The following BMPR1B variants were observed in gnomAD, a reference collection of about 807,000 sequenced individuals.
BMPR1B encodes the protein bone morphogenetic protein receptor type 1B, also known as bone morphogenetic protein receptor type-1B.
A neutral mutation model predicts 59.1 loss-of-function variants in BMPR1B; 12 were observed. The observed-to-expected ratio is 0.20, with a 90% CI of 0.13 to 0.33. BMPR1B has a LOEUF of 0.33. Ranked by LOEUF, BMPR1B falls within the 10% of genes least tolerant of loss-of-function variation. The pLI, the probability that BMPR1B is intolerant of heterozygous loss-of-function variation, is 1.00. For synonymous variants in BMPR1B, 237 were observed against 207.3 expected, an observed-to-expected ratio of 1.14 and a Z score of -1.23; for missense variants, 550 against 610.9, an observed-to-expected ratio of 0.90 and a Z score of 1.05.
chr4:94,913,557 A>G (rs1728369162), intron 2 of BMPR1B, among the ~76,000 whole-genome samples: 1 of 152,148 alleles, frequency 6.6e-6, no homozygotes, highest in Admixed American at 6.5e-5. Flanking sequence ...AAGAATGGCA[A>G]GTGATATACC....
At position 95,139,236 on chromosome 4, in the gene BMPR1B, G is replaced by A. The variant is rs7673647; in HGVS notation, c.1076+7724G>A. ...CGGAGGCTGCAGAACAGCAAATATT[G>A]CAGAACGGCAAATGTTGCTGCCTGA... On this transcript the variant is annotated intron_variant, in intron 10 of 12. Coordinates refer to ENST00000515059, the MANE Select transcript of BMPR1B (RefSeq NM_001203.3). 8.0e-3 allele frequency among the ~76,000 whole-genome samples: 1,215 copies of A among 152,254 alleles called. 16 individuals carry two copies. Among genetic ancestry groups the A allele is most frequent in the African/African-American group, 0.027 (1,104 of 41,546 alleles).
chr4:94,941,188 GGGA>G (rs1729496625), intron 2 of BMPR1B, among the ~76,000 whole-genome samples: 1 of 152,120 alleles, frequency 6.6e-6, no homozygotes, highest in African/African-American at 2.4e-5. Flanking sequence ...CCAGCACTTT[GGGA>G]GGCCAAGGCA....
chr4:94,861,897 T>C (rs1416974460), intron 1 of BMPR1B, among the ~76,000 whole-genome samples: 3 of 152,186 alleles, frequency 2.0e-5, no homozygotes, highest in African/African-American at 7.2e-5. Context: ...CTCTGAACTT[T>C]GTTTGAATGA....
intron 3 of BMPR1B, among the ~76,000 whole-genome samples, chr4:95,008,604 G>A (rs1249544811): frequency 6.6e-6 from 1 of 151,990 alleles, no homozygotes; most frequent in African/African-American, 2.4e-5. Flanking sequence ...TATCAGCTAA[G>A]AATTTCTTTA....
intron 3 of BMPR1B, chr4:95,051,529 G>A (rs1334213307): frequency 4.9e-6 from 3 of 610,672 alleles, no homozygotes; most frequent in Admixed American, 2.6e-5. Context: ...TCTCTGTGGT[G>A]ACAGAACCAG....
At chr4:95,013,679 G>A (rs1723377942) in intron 3 of BMPR1B, among the ~76,000 whole-genome samples, 1 of 152,196 alleles carries the variant, frequency 6.6e-6, no homozygotes, top group African/African-American at 2.4e-5. Context: ...AAGAAGTGAT[G>A]AATTAGAAAA....
At chr4:95,131,061 G>A (rs538615403) in intron 9 of BMPR1B, among the ~76,000 whole-genome samples, 154 bp from the exon 10 acceptor site, 1 of 152,042 alleles carries the variant, frequency 6.6e-6, no homozygotes, top group Admixed American at 6.6e-5. Context: ...CTTCTTATTG[G>A]TATTAGTCAT....
At chr4:95,031,152 G>A (rs139907820) in intron 3 of BMPR1B, among the ~76,000 whole-genome samples, 6,333 of 152,066 alleles carry the variant, frequency 0.042, 183 homozygotes, top group Non-Finnish European at 0.06. Context: ...AAAACAGCAT[G>A]GTACTGGTAC....
In BMPR1B at chr4:95,155,932, T is replaced by G. The variant is rs926849509; in HGVS notation, c.*1259T>G. The G allele has an allele frequency of 2.0e-5, 3 of 152,190 alleles. No individual in the cohort carries two copies. The highest frequency in any genetic ancestry group is 4.4e-5 in the Non-Finnish European group (3 of 68,028). 9.4% of individuals were successfully genotyped at this position (152,190 alleles called of 1,614,324 possible). A position where few individuals can be genotyped will look rare whatever the true frequency, so the allele number is the denominator to read the frequency against. ...AGTTAGTAGAGGCCACAAACTGTTA[T>G]GGGCTGCTGTGTTTTGTTCTAAAAT... is the stretch of plus-strand genomic sequence containing the variant. On this transcript the variant is annotated 3_prime_UTR_variant, in exon 13 of 13. Coordinates refer to ENST00000515059, the MANE Select transcript of BMPR1B (RefSeq NM_001203.3).
intron 2 of BMPR1B, among the ~76,000 whole-genome samples, chr4:94,969,668 A>C (rs1015691997): frequency 6.6e-6 from 1 of 152,124 alleles, no homozygotes; most frequent in Non-Finnish European, 1.5e-5. Context: ...TTTTCTCCTT[A>C]ACATTTATCA....
chr4:95,153,425 C>T (rs527746707), intron 12 of BMPR1B, among the ~76,000 whole-genome samples: 1 of 152,200 alleles, frequency 6.6e-6, no homozygotes, highest in African/African-American at 2.4e-5. Flanking sequence ...TTCTAGAGTT[C>T]TCTGGCAGAC....
At chr4:95,026,899 T>G (rs1203040901) in intron 3 of BMPR1B, among the ~76,000 whole-genome samples, 1 of 151,944 alleles carries the variant, frequency 6.6e-6, no homozygotes, top group South Asian at 2.1e-4. Context: ...TAGCTGGGAC[T>G]AAAGGCATGC....
intron 1 of BMPR1B, among the ~76,000 whole-genome samples, chr4:94,809,556 C>G (rs1039381186): frequency 6.6e-6 from 1 of 152,208 alleles, no homozygotes; most frequent in Non-Finnish European, 1.5e-5. Flanking sequence ...ATACTCACTA[C>G]AGCTGCTTTC....
intron 3 of BMPR1B, among the ~76,000 whole-genome samples, chr4:95,096,696 A>T (rs1458480654): frequency 1.4e-5 from 2 of 145,072 alleles, no homozygotes; most frequent in African/African-American, 2.5e-5. Flanking sequence ...TATATATATA[A>T]CTATATAATT....
chr4:95,151,851 A>T (rs1414806912), intron 11 of BMPR1B, among the ~76,000 whole-genome samples: 2 of 152,192 alleles, frequency 1.3e-5, no homozygotes, highest in Non-Finnish European at 2.9e-5. Flanking sequence ...TGTAATTATT[A>T]TAAGGAGTTA....
At chr4:94,909,805 C>T (rs898747336) in intron 2 of BMPR1B, among the ~76,000 whole-genome samples, 9 of 152,040 alleles carry the variant, frequency 5.9e-5, no homozygotes, top group East Asian at 1.9e-4. Flanking sequence ...AACCACTGCA[C>T]GGATGAATGG....
chr4:95,132,913 C>T (rs1427205710), intron 10 of BMPR1B, among the ~76,000 whole-genome samples: 1 of 152,136 alleles, frequency 6.6e-6, no homozygotes, highest in Non-Finnish European at 1.5e-5. Context: ...CTTTCTTTCT[C>T]CTGTTTTCTT....
At chr4:95,122,976 C>T (rs924264182) in intron 6 of BMPR1B, among the ~76,000 whole-genome samples, 2 of 152,010 alleles carry the variant, frequency 1.3e-5, no homozygotes, top group African/African-American at 4.8e-5. Context: ...AGTCAGTTTC[C>T]TCAAAATATG....
chr4:95,100,715 C>T (rs907506658), intron 3 of BMPR1B, among the ~76,000 whole-genome samples: 1 of 151,966 alleles, frequency 6.6e-6, no homozygotes, highest in Non-Finnish European at 1.5e-5. Flanking sequence ...GTTACTTTTC[C>T]ATCTTTGTAT....
Sources: allele counts gnomAD v4.1 joint callset (sites outside exome capture counted in the v4.1 genomes callset), GRCh38; gene constraint gnomAD v4.1.1; transcripts MANE v1.5; gene names NCBI Gene and HGNC (gene_info 2026-07-23, HGNC 2026-07-21).